The following CNTN1 variants were observed in gnomAD, a reference collection of about 807,000 sequenced individuals.
CNTN1 encodes contactin 1.
Under a neutral mutation model 126.4 loss-of-function variants are expected in CNTN1, and 38 were observed. The ratio of observed to expected loss-of-function variants is 0.30; its 90% CI spans 0.23 to 0.39. CNTN1 has a LOEUF of 0.39. CNTN1 is among the 10% of genes least tolerant of loss of function. The pLI is 1.00. For synonymous variants in CNTN1, 413 were observed against 422.6 expected (o/e 0.98, Z 0.28); for missense variants, 1,009 against 1,248.4 (o/e 0.81, Z 2.89).
intron 1 of CNTN1, among the ~76,000 whole-genome samples, chr12:40,846,346 C>A (rs1942500623): frequency 6.6e-6 from 1 of 152,132 alleles, no homozygotes; most frequent in Admixed American, 6.5e-5. Flanking sequence ...CGGGCGCCTG[C>A]AGTCCCAGCT....
intron 15 of CNTN1, among the ~76,000 whole-genome samples, chr12:40,969,679 C>T (rs1432221746): frequency 6.6e-6 from 1 of 152,138 alleles, no homozygotes; most frequent in Non-Finnish European, 1.5e-5. Flanking sequence ...ATTGTGTGGA[C>T]ATGGGAAGAC....
At chr12:40,961,119 T>C (rs1947094060) in intron 15 of CNTN1, among the ~76,000 whole-genome samples, 1 of 152,002 alleles carries the variant, frequency 6.6e-6, no homozygotes, top group South Asian at 2.1e-4. Flanking sequence ...AAAGAAGCTA[T>C]AGCCAATATT....
intron 1 of CNTN1, among the ~76,000 whole-genome samples, chr12:40,875,780 G>T (rs1943648635): frequency 6.6e-6 from 1 of 151,858 alleles, no homozygotes; most frequent in African/African-American, 2.4e-5. Flanking sequence ...TATCTGGATT[G>T]TTTTCAGGTT....
At chr12:40,883,696 CA>C (rs1210085737) in intron 1 of CNTN1, among the ~76,000 whole-genome samples, 1 of 151,304 alleles carries the variant, frequency 6.6e-6, no homozygotes, top group Non-Finnish European at 1.5e-5. Context: ...CATTTAAAAG[CA>C]AAAAAATAAT....
chr12:40,920,375 G>C (rs1252295385), intron 4 of CNTN1, among the ~76,000 whole-genome samples: 1 of 151,720 alleles, frequency 6.6e-6, no homozygotes, highest in Non-Finnish European at 1.5e-5. Flanking sequence ...GCCTCTCTCA[G>C]GTTGCACCCA....
At chr12:41,045,551 A>G (rs1457550343) in intron 23 of CNTN1, among the ~76,000 whole-genome samples, 1 of 152,184 alleles carries the variant, frequency 6.6e-6, no homozygotes, top group Non-Finnish European at 1.5e-5. Flanking sequence ...AAGAGGGAAT[A>G]TAAAATGCTT....
In CNTN1 at chr12:40,901,842, A is replaced by C. The variant is rs143337005; in HGVS notation, c.-76-6515A>C. Among the ~76,000 whole-genome samples, 19 of 152,306 alleles carry C rather than the reference A, an allele frequency of 1.2e-4. No homozygotes were observed. In the East Asian group the frequency reaches 3.7e-3, roughly 29 times the overall value. ...CAGAAATTTTTATGAAATGTATTTGACCACTGCAATAAGCTGCTTAAACAT... is the reference window on the plus strand; with the variant it reads ...CAGAAATTTTTATGAAATGTATTTGCCCACTGCAATAAGCTGCTTAAACAT... On this transcript the variant is annotated intron_variant, in intron 1 of 23. Transcript: ENST00000551295.
chr12:40,925,642 G>T (rs746282625), intron 6 of CNTN1, among the ~76,000 whole-genome samples: 135 of 118,390 alleles, frequency 1.1e-3, no homozygotes, highest in African/African-American at 1.3e-3. Context: ...TATATATAGA[G>T]AGAGAGAGTT....
chr12:40,767,758 A>T (rs1489935576), intron 1 of CNTN1, among the ~76,000 whole-genome samples: 2 of 152,050 alleles, frequency 1.3e-5, no homozygotes, highest in African/African-American at 4.8e-5. Flanking sequence ...TATGTTACTT[A>T]AATACTACTT....
intron 1 of CNTN1, among the ~76,000 whole-genome samples, chr12:40,758,854 A>G (rs1179143357): frequency 6.6e-6 from 1 of 151,682 alleles, no homozygotes; most frequent in African/African-American, 2.4e-5. Flanking sequence ...ATGAAAGTAC[A>G]TTCCAGACAA....
intron 1 of CNTN1, among the ~76,000 whole-genome samples, chr12:40,805,257 C>G (rs577663295): frequency 6.6e-6 from 1 of 152,070 alleles, no homozygotes; most frequent in Admixed American, 6.6e-5. Context: ...CTTCTACCCC[C>G]TTTTCCCTCT....
chr12:40,699,991 T>C (rs969915810), intron 1 of CNTN1, among the ~76,000 whole-genome samples: 2 of 152,184 alleles, frequency 1.3e-5, no homozygotes, highest in African/African-American at 4.8e-5. Context: ...ATTGCATTAT[T>C]ACCTATATAG....
intron 1 of CNTN1, among the ~76,000 whole-genome samples, chr12:40,754,719 T>G (rs970543797): frequency 6.6e-6 from 1 of 152,118 alleles, no homozygotes; most frequent in Non-Finnish European, 1.5e-5. Context: ...CAGTTGTCAA[T>G]GTTATGTTCA....
chr12:40,959,116 G>C lies in CNTN1; in HGVS notation c.1686G>C (p.Leu562=). 1 of 1,612,306 alleles carries C rather than the reference G, an allele frequency of 6.2e-7. No individual in the cohort carries two copies. The highest frequency in any genetic ancestry group is 8.5e-7 in the Non-Finnish European group (1 of 1,178,932). ...ATAATTGCTGTTTTTGCTAACAGCT[G>C]GATTCCAATGGGGAATTACTAATCC... ...ENIHYQRNFM[L]DSNGELLIRN... is the part of the protein sequence containing the mutation. The change falls in exon 15 of 24, where the codon CTG becomes CTC. Residue 562 remains leucine (L), a splice_region_variant and synonymous_variant. Transcript: ENST00000551295.
chr12:41,012,970 G>A (rs1391116013), intron 17 of CNTN1, among the ~76,000 whole-genome samples: 1 of 152,116 alleles, frequency 6.6e-6, no homozygotes, highest in East Asian at 1.9e-4. Flanking sequence ...TTTAGGAGTG[G>A]AGATTTAATA....
intron 1 of CNTN1, among the ~76,000 whole-genome samples, chr12:40,786,878 AT>A (rs879547175): frequency 2.0e-5 from 3 of 152,154 alleles, no homozygotes; most frequent in Non-Finnish European, 4.4e-5. Context: ...TCTTTCAGTT[AT>A]ACATTATTTA....
intron 1 of CNTN1, among the ~76,000 whole-genome samples, chr12:40,766,523 G>C (rs1939103613): frequency 6.6e-6 from 1 of 152,106 alleles, no homozygotes; most frequent in African/African-American, 2.4e-5. Flanking sequence ...ATGGGGCTTG[G>C]TCCTGCAAAT....
chr12:41,036,154 C>A (rs898416058), intron 23 of CNTN1, among the ~76,000 whole-genome samples: 2 of 152,052 alleles, frequency 1.3e-5, no homozygotes, highest in Non-Finnish European at 2.9e-5. Context: ...CAAAGCAAAT[C>A]ATGACAAGAT....
intron 23 of CNTN1, among the ~76,000 whole-genome samples, chr12:41,052,188 C>A (rs559466469): frequency 9.2e-5 from 14 of 152,140 alleles, no homozygotes; most frequent in Non-Finnish European, 1.3e-4. Flanking sequence ...CTAGACTGTT[C>A]CATAAACTTT....
Sources: gnomAD v4.1 joint callset for allele counts (sites outside exome capture counted in the v4.1 genomes callset) on GRCh38, gnomAD v4.1.1 for gene constraint, MANE v1.5 for transcripts, NCBI Gene and HGNC (gene_info 2026-07-23, HGNC 2026-07-21) for gene names.